Variants in GREB1L observed in about 807,000 individuals in gnomAD.
GREB1L encodes GREB1 like retinoic acid receptor coactivator, also known as GREB1-like protein.
A neutral mutation model predicts 200.8 loss-of-function variants in GREB1L; 17 were observed. The ratio of observed to expected loss-of-function variants is 0.08; its 90% CI spans 0.06 to 0.13. The LOEUF is 0.13. GREB1L is among the 10% of genes least tolerant of loss of function. The pLI, the probability that GREB1L is intolerant of heterozygous loss-of-function variation, is 1.00. For missense variants in GREB1L, 1,657 were observed against 2,367.7 expected (o/e 0.70, Z 6.23); for synonymous variants, 789 against 893.0 (o/e 0.88, Z 2.08).
intron 1 of GREB1L, among the ~76,000 whole-genome samples, chr18:21,341,401 T>G (rs1328502915): frequency 1.3e-5 from 2 of 152,194 alleles, no homozygotes; most frequent in African/African-American, 4.8e-5. Flanking sequence ...CACAAGCTTC[T>G]TGATTTCTGT....
intron 1 of GREB1L, among the ~76,000 whole-genome samples, chr18:21,340,116 G>A (rs543339527): frequency 6.6e-6 from 1 of 152,240 alleles, no homozygotes; most frequent in South Asian, 2.1e-4. Flanking sequence ...CCTCATTGCA[G>A]CACAATAGAA....
At chr18:21,385,372 T>C (rs1049267034) in intron 4 of GREB1L, among the ~76,000 whole-genome samples, 1 of 133,462 alleles carries the variant, frequency 7.5e-6, no homozygotes, top group Admixed American at 7.2e-5. Flanking sequence ...TTCTCTTGAC[T>C]TTTTTTTTTT....
At chr18:21,333,295 C>A (rs2039134711) in intron 1 of GREB1L, among the ~76,000 whole-genome samples, 1 of 152,040 alleles carries the variant, frequency 6.6e-6, no homozygotes, top group Admixed American at 6.6e-5. Context: ...GATAGTGATA[C>A]AATATTTATG....
At chr18:21,441,629 A>G in intron 10 of GREB1L, 92 bp downstream of exon 10, 1 of 1,169,468 alleles carries the variant, frequency 8.6e-7, no homozygotes, top group Non-Finnish European at 1.2e-6. Flanking sequence ...TCATGAAGAT[A>G]TTCATCCATC....
intron 1 of GREB1L, among the ~76,000 whole-genome samples, chr18:21,320,489 C>T (rs552089596): frequency 3.9e-5 from 6 of 152,186 alleles, no homozygotes; most frequent in Middle Eastern, 3.4e-3. Context: ...TTGGACCAGG[C>T]GTGATGGCTC....
chr18:21,328,804 A>G (rs550360783), intron 1 of GREB1L, among the ~76,000 whole-genome samples: 38 of 152,176 alleles, frequency 2.5e-4, no homozygotes, highest in Non-Finnish European at 4.7e-4. Flanking sequence ...AAATGATAGT[A>G]ATCAGTTATT....
At chr18:21,522,534 T>C in intron 32 of GREB1L, 124 bp from the exon 33 acceptor site, 1 of 718,064 alleles carries the variant, frequency 1.4e-6, no homozygotes, top group Non-Finnish European at 2.2e-6. Context: ...AAAACAATTC[T>C]GATAGATTGC....
At chr18:21,448,159 C>A (rs1026294234) in intron 11 of GREB1L, among the ~76,000 whole-genome samples, 565 of 131,388 alleles carry the variant, frequency 4.3e-3, no homozygotes, top group Non-Finnish European at 5.0e-3. Context: ...GAAACTGTCT[C>A]AAAAAAAAAA....
chr18:21,423,176 G>T (rs142792006), intron 7 of GREB1L, among the ~76,000 whole-genome samples: 1 of 152,050 alleles, frequency 6.6e-6, no homozygotes, highest in Non-Finnish European at 1.5e-5. Context: ...TGATTTGCCC[G>T]CCTGAGCCTC....
intron 4 of GREB1L, among the ~76,000 whole-genome samples, chr18:21,391,416 G>A (rs1241015304): frequency 6.6e-6 from 1 of 152,220 alleles, no homozygotes; most frequent in Non-Finnish European, 1.5e-5. Flanking sequence ...GTGTGTGAAA[G>A]TACACTCTAT....
chr18:21,497,418 G>C (rs2036586755), intron 21 of GREB1L, among the ~76,000 whole-genome samples: 1 of 152,186 alleles, frequency 6.6e-6, no homozygotes, highest in Admixed American at 6.5e-5. Context: ...CGAGGCAGGT[G>C]GATCACCTGA....
At chr18:21,497,807 CA>C (rs2036605646) in intron 21 of GREB1L, among the ~76,000 whole-genome samples, 3 of 101,694 alleles carry the variant, frequency 3.0e-5, no homozygotes, top group Admixed American at 1.0e-4. Flanking sequence ...CTTCTCCCCT[CA>C]CCACCCCCCC....
At chr18:21,505,337 TAA>T in intron 23 of GREB1L, 73 bp from the exon 24 acceptor site, 8 of 1,392,452 alleles carry the variant, frequency 5.7e-6, no homozygotes, top group Non-Finnish European at 6.8e-6. Context: ...CTACGTCCCA[TAA>T]AAGCCATTCT....
In GREB1L at chr18:21,454,566, A is replaced by G; in HGVS notation, c.2182+3A>G. The G allele has an allele frequency of 1.9e-6, 3 of 1,550,102 alleles. No homozygotes were observed. Among genetic ancestry groups the G allele is most frequent in the Non-Finnish European group, 2.6e-6 (3 of 1,145,524 alleles). ...TCTTCAGCGGATTCGACAATCAGGT[A>G]AGAGTGAACTTTCAAAGAGGAGCCC... On this transcript the variant is annotated splice_donor_region_variant and intron_variant, in intron 15 of 32. Coordinates refer to ENST00000424526, the MANE Select transcript of GREB1L (RefSeq NM_001142966.3).
intron 1 of GREB1L, among the ~76,000 whole-genome samples, chr18:21,346,144 C>A (rs375056880): frequency 1.3e-5 from 2 of 152,246 alleles, no homozygotes; most frequent in African/African-American, 4.8e-5. Flanking sequence ...GAAACCTCGA[C>A]GTCCTCCTGA....
At chr18:21,446,244 C>T (rs1440676398) in intron 11 of GREB1L, among the ~76,000 whole-genome samples, 2 of 152,160 alleles carry the variant, frequency 1.3e-5, no homozygotes, top group Non-Finnish European at 2.9e-5. Flanking sequence ...AGGCTGGTCT[C>T]AAACTCCTGA....
intron 1 of GREB1L, among the ~76,000 whole-genome samples, chr18:21,268,562 T>C (rs12607211): frequency 0.25 from 12,987 of 51,178 alleles, 794 homozygotes; most frequent in Non-Finnish European, 0.33. Flanking sequence ...CACACACACA[T>C]ATATATATAT....
At chr18:21,291,356 C>T (rs1249271779) in intron 1 of GREB1L, among the ~76,000 whole-genome samples, 1 of 152,176 alleles carries the variant, frequency 6.6e-6, no homozygotes, top group Non-Finnish European at 1.5e-5. Flanking sequence ...TTGTTAAAGC[C>T]TTCCCTGACT....
chr18:21,418,252 A>G (rs2031832413), intron 7 of GREB1L, among the ~76,000 whole-genome samples: 1 of 152,122 alleles, frequency 6.6e-6, no homozygotes, highest in East Asian at 1.9e-4. Flanking sequence ...GAGGATATAC[A>G]GTCATTTCTC....
Sources: allele counts gnomAD v4.1 joint callset (sites outside exome capture counted in the v4.1 genomes callset), GRCh38; gene constraint gnomAD v4.1.1; transcripts MANE v1.5; gene names NCBI Gene and HGNC (gene_info 2026-07-23, HGNC 2026-07-21).